MPRIP: variants seen among roughly 807,000 people sequenced by gnomAD.
MPRIP encodes the protein myosin phosphatase Rho-interacting protein.
In MPRIP, 59 loss-of-function variants were observed where a neutral mutation model predicts 234.9. That is an observed-to-expected ratio of 0.25 (90% CI 0.20 to 0.31). The LOEUF is 0.31. Ranked by LOEUF, MPRIP falls within the 10% of genes least tolerant of loss-of-function variation. MPRIP has a pLI of 1.00. For synonymous variants in MPRIP, 1,144 were observed against 1,263.9 expected, an observed-to-expected ratio of 0.91 and a Z score of 2.01; for missense variants, 2,436 against 3,071.0, an observed-to-expected ratio of 0.79 and a Z score of 4.89.
intron 22 of MPRIP, chr17:17,178,350 A>C (rs1310736701): frequency 6.6e-6 from 1 of 152,226 alleles, no homozygotes; most frequent in Non-Finnish European, 1.5e-5. Flanking sequence ...CAGGCAAGGA[A>C]TAGTGATTAT....
intron 23 of MPRIP, 135 bp downstream of exon 23, chr17:17,180,223 T>C: frequency 1.3e-6 from 1 of 749,910 alleles, no homozygotes; most frequent in Non-Finnish European, 2.2e-6. Flanking sequence ...CAGCCCGAGC[T>C]CACCCTGCTG....
chr17:17,090,272 G>A (rs560149036), intron 3 of MPRIP, among the ~76,000 whole-genome samples: 6 of 152,294 alleles, frequency 3.9e-5, no homozygotes, highest in African/African-American at 7.2e-5. Flanking sequence ...CCAACCAGCC[G>A]CACTAAGGCA....
intron 23 of MPRIP, chr17:17,180,620 AG>A: frequency 6.2e-7 from 1 of 1,613,930 alleles, no homozygotes; most frequent in African/African-American, 1.3e-5. Flanking sequence ...GTAATTGAGC[AG>A]GTCTCGTGGG....
rs1447161291 is a variant in MPRIP at position 17,166,914 on chromosome 17, T to C, written c.5323T>C (p.Phe1775Leu). 1.5e-6 allele frequency: 2 copies of C among 1,304,016 alleles called. No individual in the cohort carries two copies. Among genetic ancestry groups the C allele is most frequent in the East Asian group, 1.1e-4 (2 of 18,016 alleles). 80.8% of individuals were successfully genotyped at this position (1,304,016 alleles called of 1,614,324 possible). ...TGTGTCTGACCAGAGCCCTGGGGCC[T>C]TTGTTGCTATTCAGGAGGAGCTTGC... ...FDVSDQSPGAFVAIQEELAQQ... is the reference protein window; with the variant it reads ...FDVSDQSPGALVAIQEELAQQ... The change falls in exon 16 of 24, where the codon TTT becomes CTT. Residue 1775 changes from phenylalanine (F) to leucine (L), a missense_variant. Phe to Leu is a conservative substitution (Grantham distance 22). Coordinates refer to ENST00000651222, the MANE Select transcript of MPRIP (RefSeq NM_001364716.4). This position sits in a 1 kb window ranked among gnomAD's most constrained non-coding sequence, Gnocchi z 4.4.
chr17:17,172,364 A>G (rs940183097), intron 17 of MPRIP, among the ~76,000 whole-genome samples: 2 of 152,230 alleles, frequency 1.3e-5, no homozygotes, highest in African/African-American at 4.8e-5. Context: ...AAGGAAGAAA[A>G]TACACCAGCA....
chr17:17,164,650 G>A lies in MPRIP; in HGVS notation c.3059G>A (p.Arg1020Lys), dbSNP rs1167115382. The A allele has an allele frequency of 1.6e-6, 2 of 1,233,928 alleles. No individual in the cohort carries two copies. Among genetic ancestry groups the A allele is most frequent in the Admixed American group, 3.4e-5 (1 of 29,802 alleles). 76.4% of individuals were successfully genotyped at this position (1,233,928 alleles called of 1,614,324 possible). Reference sequence around the variant, plus strand: ...CGGCTGATGGAGGAGAAGCTGCAGAGAAACTATGAGCTGCTGCTGGAGAGC... The same window carrying A: ...CGGCTGATGGAGGAGAAGCTGCAGAAAAACTATGAGCTGCTGCTGGAGAGC... Reference protein sequence around the residue: ...AQRLMEEKLQRNYELLLESCE... With the variant: ...AQRLMEEKLQKNYELLLESCE... The change falls in exon 16 of 24, where the codon AGA becomes AAA. Residue 1020 changes from arginine (R) to lysine (K), a missense_variant. By Grantham distance (26) the Arg-to-Lys change is conservative. Around this residue, in one of 4 missense-constraint regions of MPRIP, gnomAD observed 1,998 missense variants for 2,520.3 expected, o/e 0.79. Coordinates refer to ENST00000651222, the MANE Select transcript of MPRIP (RefSeq NM_001364716.4).
chr17:17,112,599 C>T (rs544675850), intron 3 of MPRIP, among the ~76,000 whole-genome samples: 27 of 152,254 alleles, frequency 1.8e-4, no homozygotes, highest in African/African-American at 5.5e-4. Context: ...CACTCAGGAC[C>T]GTCATCTGCA....
intron 3 of MPRIP, among the ~76,000 whole-genome samples, chr17:17,101,455 C>G (rs1470544447): frequency 6.6e-6 from 1 of 152,058 alleles, no homozygotes; most frequent in South Asian, 2.1e-4. Context: ...TAATCCCAGC[C>G]ACTCAGGCTG....
Position 17,172,679 on chromosome 17 carries a change from G to C in MPRIP, c.6473-19G>C. On this transcript the variant is annotated intron_variant, in intron 17 of 23. Transcript: ENST00000651222. ...AAGGGCGTGGTCCCTCGGTGCTGAGGCCGTGTCCTTGCCTGCAGCCATCGA... is the reference window on the plus strand; with the variant it reads ...AAGGGCGTGGTCCCTCGGTGCTGAGCCCGTGTCCTTGCCTGCAGCCATCGA... 6.2e-7 allele frequency: 1 copy of C among 1,605,398 alleles called. No homozygotes were observed. Among genetic ancestry groups the C allele is most frequent in the Non-Finnish European group, 8.5e-7 (1 of 1,175,660 alleles).
chr17:17,103,318 A>G (rs2090000220), intron 3 of MPRIP, among the ~76,000 whole-genome samples: 1 of 152,226 alleles, frequency 6.6e-6, no homozygotes, highest in African/African-American at 2.4e-5. Flanking sequence ...GTCCCCAGCC[A>G]TGTGTCCCCA....
chr17:17,120,828 G>A (rs1013910584), intron 3 of MPRIP, among the ~76,000 whole-genome samples: 1 of 152,218 alleles, frequency 6.6e-6, no homozygotes, highest in African/African-American at 2.4e-5. Flanking sequence ...GAGCTGAGGC[G>A]TTCCTTCTGG....
intron 3 of MPRIP, among the ~76,000 whole-genome samples, chr17:17,121,352 C>T (rs550100695): frequency 6.6e-6 from 1 of 152,344 alleles, no homozygotes; most frequent in African/African-American, 2.4e-5. Flanking sequence ...CCAAACCTAG[C>T]AAAACATAGA....
At chr17:17,131,970 T>A (rs2090605784) in intron 5 of MPRIP, among the ~76,000 whole-genome samples, 1 of 152,066 alleles carries the variant, frequency 6.6e-6, no homozygotes, top group South Asian at 2.1e-4. Context: ...CTGTGACCCC[T>A]CCCCTCGCTA....
At chr17:17,142,057 T>G (rs916138797) in intron 7 of MPRIP, 2 of 154,366 alleles carry the variant, frequency 1.3e-5, no homozygotes, top group South Asian at 2.0e-4. Context: ...GCGCTGCGCC[T>G]CCTCCACCCG....
Position 17,166,053 on chromosome 17 carries a change from T to G in MPRIP, c.4462T>G (p.Ser1488Ala). ...CLENCREQLR[S>A]LPRASQEDEQ... ...GGAAAATTGCCGAGAACAACTGAGA[T>G]CTCTGCCTAGGGCCAGCCAGGAGGA... Residue 1488 changes from serine (S) to alanine (A), a missense_variant, in exon 16 of 24, where the codon TCT becomes GCT. By Grantham distance (99) the Ser-to-Ala change is moderately conservative. This residue lies in a region of MPRIP where 1,998 missense variants were observed against 2,520.3 expected (regional missense o/e 0.79). Transcript: ENST00000651222. This position sits in a 1 kb window ranked among gnomAD's most constrained non-coding sequence, Gnocchi z 4.4. 7.7e-7 allele frequency: 1 copy of G among 1,302,892 alleles called. No homozygotes were observed. Among genetic ancestry groups the G allele is most frequent in the Non-Finnish European group, 1.0e-6 (1 of 988,212 alleles). 80.7% of individuals were successfully genotyped at this position (1,302,892 alleles called of 1,614,324 possible). A position where few individuals can be genotyped will look rare whatever the true frequency, so the allele number is the denominator to read the frequency against.
chr17:17,175,356 G>A lies in MPRIP; in HGVS notation c.6814G>A (p.Gly2272Ser), dbSNP rs761279823. ...RLRTLLTGDG[G>S]GEATGSPLAQ... is the part of the protein sequence containing the mutation. ...GCGGACGCTGCTGACTGGGGACGGC[G>A]GTGGGGAGGCCACTGGGTCACCCCT... The change falls in exon 20 of 24, where the codon GGT becomes AGT. Residue 2272 changes from glycine to serine, a missense_variant. Coordinates refer to ENST00000651222, the MANE Select transcript of MPRIP (RefSeq NM_001364716.4). 2.5e-5 allele frequency: 41 copies of A among 1,613,412 alleles called. 1 individual carries two copies. The South Asian group carries it at 4.2e-4, about 16-fold the overall frequency.
At position 17,158,692 on chromosome 17, in the gene MPRIP, G is replaced by A; in HGVS notation, c.2090G>A (p.Gly697Glu). 1 of 1,609,064 alleles carries A rather than the reference G, an allele frequency of 6.2e-7. No homozygotes were observed. The highest frequency in any genetic ancestry group is 8.5e-7 in the Non-Finnish European group (1 of 1,179,098). The change falls in exon 14 of 24, where the codon GGG (glycine) becomes GAG (glutamate). Residue 697 changes from glycine (G) to glutamate (E), a missense_variant. This residue lies in a region of MPRIP where 1,998 missense variants were observed against 2,520.3 expected (regional missense o/e 0.79). Coordinates refer to ENST00000651222, the MANE Select transcript of MPRIP (RefSeq NM_001364716.4). Reference protein sequence around the residue: ...HEPLRPEAEPGELERERARRR... With the variant: ...HEPLRPEAEPEELERERARRR... The stretch of plus-strand genomic sequence containing the variant: ...CCCCTGCGCCCTGAGGCGGAGCCTG[G>A]GGAGCTGGAGCGGGAGCGTGCACGG...
chr17:17,165,147 C>G lies in MPRIP; in HGVS notation c.3556C>G (p.Gln1186Glu), dbSNP rs781365036. The G allele has an allele frequency of 2.3e-6, 3 of 1,304,246 alleles. No homozygotes were observed. The highest frequency in any genetic ancestry group is 3.0e-6 in the Non-Finnish European group (3 of 988,962). 80.8% of individuals were successfully genotyped at this position (1,304,246 alleles called of 1,614,324 possible). A position where few individuals can be genotyped will look rare whatever the true frequency, so the allele number is the denominator to read the frequency against. The change falls in exon 16 of 24, where the codon CAG becomes GAG. Residue 1186 changes from glutamine (Q) to glutamate (E), a missense_variant. By Grantham distance (29) the Gln-to-Glu change is conservative. This residue lies in a region of MPRIP where 1,998 missense variants were observed against 2,520.3 expected (regional missense o/e 0.79). Transcript: ENST00000651222. ...AHEKVLEKKE[Q>E]DLNEALVKMV... is the part of the protein sequence containing the mutation. ...TGAGAAGGTTCTGGAGAAGAAGGAGCAGGACCTCAATGAGGCTTTGGTTAA... is the reference window on the plus strand; with the variant it reads ...TGAGAAGGTTCTGGAGAAGAAGGAGGAGGACCTCAATGAGGCTTTGGTTAA...
chr17:17,147,492 G>A, intron 11 of MPRIP, 105 bp downstream of exon 11: 2 of 1,101,696 alleles, frequency 1.8e-6, no homozygotes, highest in Non-Finnish European at 2.8e-6. Flanking sequence ...CCCCACTTCT[G>A]AGGACAGCGC....
Sources: allele counts gnomAD v4.1 joint callset (sites outside exome capture counted in the v4.1 genomes callset), GRCh38; gene constraint gnomAD v4.1.1; regional missense constraint gnomAD v4.1.1; non-coding constraint Gnocchi (gnomAD v3.1); transcripts MANE v1.5; gene names NCBI Gene and HGNC (gene_info 2026-07-23, HGNC 2026-07-21).